ZMAT3: variants seen among roughly 807,000 people sequenced by gnomAD.
The protein encoded by ZMAT3 is zinc finger matrin-type protein 3.
A neutral mutation model predicts 32.3 loss-of-function variants in ZMAT3; 17 were observed. The ratio of observed to expected loss-of-function variants is 0.53; its 90% CI spans 0.36 to 0.79. ZMAT3 has a LOEUF of 0.79. ZMAT3 is among the 30% of genes least tolerant of loss of function. ZMAT3 has a pLI of 0.00. For missense variants in ZMAT3, 329 were observed against 359.7 expected, an observed-to-expected ratio of 0.91 and a Z score of 0.69; for synonymous variants, 120 against 133.1, an observed-to-expected ratio of 0.90 and a Z score of 0.68.
intron 2 of ZMAT3, among the ~76,000 whole-genome samples, chr3:179,060,242 CA>C (rs1469939143): frequency 3.5e-5 from 1 of 28,280 alleles, no homozygotes; most frequent in African/African-American, 1.1e-4. Flanking sequence ...CAGAGACAAA[CA>C]ATATAAAGTA....
At chr3:179,071,547 C>T (rs1482177025) in intron 1 of ZMAT3, 48 bp downstream of exon 1, 1 of 152,216 alleles carries the variant, frequency 6.6e-6, no homozygotes, top group Non-Finnish European at 1.5e-5. Flanking sequence ...CCCGGCGCTC[C>T]AGGGGCTCGT....
chr3:179,062,731 G>A (rs542821383), intron 2 of ZMAT3, among the ~76,000 whole-genome samples: 87 of 152,254 alleles, frequency 5.7e-4, no homozygotes, highest in Non-Finnish European at 1.1e-3. Context: ...ATTTTATTTT[G>A]CCTCATTTGT....
chr3:179,042,074 G>GA (rs1719968271), intron 2 of ZMAT3, among the ~76,000 whole-genome samples: 2 of 152,170 alleles, frequency 1.3e-5, no homozygotes, highest in African/African-American at 2.4e-5. Flanking sequence ...AACAGGCTCT[G>GA]AAATTGAGGC....
chr3:179,062,020 G>A (rs1037096541), intron 2 of ZMAT3, among the ~76,000 whole-genome samples: 8 of 152,110 alleles, frequency 5.3e-5, no homozygotes, highest in Admixed American at 5.2e-4. Flanking sequence ...GTAGGGAATG[G>A]GTGGAGAACA....
chr3:179,037,770 T>C (rs1470196551), intron 2 of ZMAT3, among the ~76,000 whole-genome samples: 3 of 152,234 alleles, frequency 2.0e-5, no homozygotes, highest in South Asian at 2.1e-4. Context: ...TAAAAACAGG[T>C]GAGAATTTGA....
At chr3:179,064,535 G>A (rs939801274) in intron 2 of ZMAT3, among the ~76,000 whole-genome samples, 1 of 152,112 alleles carries the variant, frequency 6.6e-6, no homozygotes, top group Non-Finnish European at 1.5e-5. Context: ...GCTCAAGTGA[G>A]CCTCCTGTCT....
intron 2 of ZMAT3, among the ~76,000 whole-genome samples, chr3:179,045,459 C>T (rs917281056): frequency 6.6e-6 from 1 of 152,262 alleles, no homozygotes; most frequent in Non-Finnish European, 1.5e-5. Context: ...TGAAAGTAAA[C>T]ACTCTAGGGC....
In ZMAT3 at chr3:179,017,890, G is replaced by T. The variant is rs759814321; in HGVS notation, c.*7127C>A. ...TTAAAGCAGGATCTGACATACTCCAGTAAGGCATTTCAAAGCAGACACATC... is the reference window on the plus strand; with the variant it reads ...TTAAAGCAGGATCTGACATACTCCATTAAGGCATTTCAAAGCAGACACATC... On this transcript the variant is annotated 3_prime_UTR_variant, in exon 6 of 6. Transcript: ENST00000311417. 3.3e-5 allele frequency: 5 copies of T among 152,168 alleles called. No individual in the cohort carries two copies. The highest frequency in any genetic ancestry group is 7.3e-5 in the Non-Finnish European group (5 of 68,034). The allele number at this position is 152,168 out of a possible 1,614,324, so 9.4% of individuals were successfully genotyped here.
rs373014993 is a variant in ZMAT3 at position 179,066,088 on chromosome 3, A to T, written c.270+1395T>A. On this transcript the variant is annotated intron_variant, in intron 2 of 5. Transcript: ENST00000311417. ...GAACATTCCGTAGGAATAAATGAAG[A>T]AAGCTAATACAGTCTTGGAGTTGAG... Among the ~76,000 whole-genome samples, 135 of 152,322 alleles carry T rather than the reference A, an allele frequency of 8.9e-4. 2 individuals are homozygous for T. In the South Asian group the frequency reaches 0.027, roughly 30 times the overall value.
chr3:179,058,506 C>T (rs1720972359), intron 2 of ZMAT3, among the ~76,000 whole-genome samples: 1 of 152,140 alleles, frequency 6.6e-6, no homozygotes, highest in Admixed American at 6.5e-5. Flanking sequence ...CCTGTAATCC[C>T]AGCACTTTGG....
At chr3:179,049,094 A>T (rs1214763388) in intron 2 of ZMAT3, among the ~76,000 whole-genome samples, 1 of 152,232 alleles carries the variant, frequency 6.6e-6, no homozygotes, top group Non-Finnish European at 1.5e-5. Flanking sequence ...TAATACAATA[A>T]TAAAAGGACT....
Position 179,039,079 on chromosome 3 carries a change from C to T in ZMAT3, c.271-8080G>A, listed in dbSNP as rs149526930. On this transcript the variant is annotated intron_variant, in intron 2 of 5. Transcript: ENST00000311417. ...TGGGAAGCTCGAACTGGGCAGAGCC[C>T]ACCACAGCTCAACAAGGCCTACTGC... Among the ~76,000 whole-genome samples, 312 of 152,318 alleles carry T rather than the reference C, an allele frequency of 2.0e-3. 4 individuals carry two copies. Among genetic ancestry groups the T allele is most frequent in the African/African-American group, 7.1e-3 (294 of 41,574 alleles).
rs1718531645 is a variant in ZMAT3 at position 179,021,372 on chromosome 3, A to T, written c.*3645T>A. ...TATATGCAATCCAATCTTTTAGTTG[A>T]AACACGAATTTTCTTTCTTTACAAC... On this transcript the variant is annotated 3_prime_UTR_variant, in exon 6 of 6. Transcript: ENST00000311417. 1 of 152,208 alleles carries T rather than the reference A, an allele frequency of 6.6e-6. No homozygotes were observed. The highest frequency in any genetic ancestry group is 6.5e-5 in the Admixed American group (1 of 15,284). 9.4% of individuals were successfully genotyped at this position (152,208 alleles called of 1,614,324 possible). A position where few individuals can be genotyped will look rare whatever the true frequency, so the allele number is the denominator to read the frequency against.
intron 2 of ZMAT3, among the ~76,000 whole-genome samples, chr3:179,048,102 TAAAGAC>T: frequency 6.6e-6 from 1 of 152,126 alleles, no homozygotes; most frequent in East Asian, 1.9e-4. Context: ...CCCAAATTGA[TAAAGAC>T]AAAGAAAAAA....
At chr3:179,049,717 G>A (rs548283078) in intron 2 of ZMAT3, among the ~76,000 whole-genome samples, 17 of 152,114 alleles carry the variant, frequency 1.1e-4, no homozygotes, top group African/African-American at 3.1e-4. Flanking sequence ...AAGGGGCTGG[G>A]CATGGTTGCT....
rs905239583 is a variant in ZMAT3, at chr3:179,018,173, G to A, written c.*6844C>T. The A allele has an allele frequency of 2.0e-5, 3 of 151,958 alleles. No homozygotes were observed. The highest frequency in any genetic ancestry group is 7.3e-5 in the African/African-American group (3 of 41,330). The allele number at this position is 151,958 out of a possible 1,614,324, so 9.4% of individuals were successfully genotyped here. A position where few individuals can be genotyped will look rare whatever the true frequency, so the allele number is the denominator to read the frequency against. ...ATAATATCACTCATTCTGACATGTG[G>A]AGTTACTCTTCCTTAAAAAAATATA... On this transcript the variant is annotated 3_prime_UTR_variant, in exon 6 of 6. Transcript: ENST00000311417.
chr3:179,027,298 G>A, intron 5 of ZMAT3, 125 bp downstream of exon 5: 1 of 739,308 alleles, frequency 1.4e-6, no homozygotes. Context: ...GCCGCCACTA[G>A]ACTAATTCAA....
Position 179,024,840 on chromosome 3 carries a change from T to A in ZMAT3, c.*177A>T. ...AAGAAGCACGTTCTTCACACCCACC[T>A]CCCCCCGCCCCGCCCCCGGGCCCCC... On this transcript the variant is annotated 3_prime_UTR_variant, in exon 6 of 6. Transcript: ENST00000311417. 1.8e-6 allele frequency: 1 copy of A among 554,258 alleles called. No homozygotes were observed. The highest frequency in any genetic ancestry group is 3.4e-5 in the East Asian group (1 of 29,760). 34.3% of individuals were successfully genotyped at this position (554,258 alleles called of 1,614,324 possible).
At position 179,019,669 on chromosome 3, in the gene ZMAT3, C is replaced by T. The variant is rs1189028322; in HGVS notation, c.*5348G>A. On this transcript the variant is annotated 3_prime_UTR_variant, in exon 6 of 6. Coordinates refer to ENST00000311417, the MANE Select transcript of ZMAT3 (RefSeq NM_022470.4). The stretch of plus-strand genomic sequence containing the variant: ...GTTTCTAAGATTCTAAGTAGTCAGG[C>T]AATTTAGAATTTTAAATTAATTAAA... 1.3e-5 allele frequency: 2 copies of T among 152,060 alleles called. No homozygotes were observed. Among genetic ancestry groups the T allele is most frequent in the Non-Finnish European group, 2.9e-5 (2 of 67,998 alleles). The allele number at this position is 152,060 out of a possible 1,614,324, so 9.4% of individuals were successfully genotyped here. A position where few individuals can be genotyped will look rare whatever the true frequency, so the allele number is the denominator to read the frequency against.
Sources: gnomAD v4.1 joint callset for allele counts (sites outside exome capture counted in the v4.1 genomes callset) on GRCh38, gnomAD v4.1.1 for gene constraint, MANE v1.5 for transcripts, NCBI Gene and HGNC (gene_info 2026-07-23, HGNC 2026-07-21) for gene names.